Variants in ROR1 observed in about 807,000 individuals in gnomAD.
ROR1 encodes ROR family WNT receptor 1.
A neutral mutation model predicts 78.8 loss-of-function variants in ROR1; 19 were observed. The ratio of observed to expected loss-of-function variants is 0.24; its 90% CI spans 0.17 to 0.35. The LOEUF (loss-of-function observed/expected upper bound fraction) is 0.35. ROR1 is among the 10% of genes least tolerant of loss of function. ROR1 has a pLI of 1.00. For missense variants in ROR1, 917 were observed against 1,177.8 expected, an observed-to-expected ratio of 0.78 and a Z score of 3.24; for synonymous variants, 386 against 433.6, an observed-to-expected ratio of 0.89 and a Z score of 1.36.
chr1:63,863,789 TTGTATTGTATTG>T, intron 1 of ROR1, among the ~76,000 whole-genome samples: 1 of 130,524 alleles, frequency 7.7e-6, no homozygotes, highest in South Asian at 2.4e-4. Context: ...TTGTATTGTA[TTGTATTGTATTG>T]TATCATAGAT....
chr1:64,159,443 A>T (rs1271385639), intron 8 of ROR1, among the ~76,000 whole-genome samples: 2 of 152,038 alleles, frequency 1.3e-5, no homozygotes, highest in African/African-American at 4.8e-5. Flanking sequence ...GCTAGAAGTG[A>T]TCCCTAAGAA....
intron 8 of ROR1, among the ~76,000 whole-genome samples, chr1:64,174,981 T>G (rs1421911704): frequency 6.7e-6 from 1 of 149,342 alleles, no homozygotes; most frequent in African/African-American, 2.4e-5. Flanking sequence ...CCTAGTTCAG[T>G]AAGATGGGAA....
Position 64,178,753 on chromosome 1 carries a change from C to G in ROR1, c.2712C>G (p.Asn904Lys). ...PGGMGITVFG[N>K]KSQKPYKIDS... is the part of the protein sequence containing the mutation. The stretch of plus-strand genomic sequence containing the variant: ...GAATGGGTATCACCGTTTTTGGCAA[C>G]AAATCTCAAAAACCCTACAAAATTG... The change falls in exon 9 of 9, where the codon AAC becomes AAG. Residue 904 changes from asparagine (N) to lysine (K), a missense_variant. Coordinates refer to ENST00000371079, the MANE Select transcript of ROR1 (RefSeq NM_005012.4). The surrounding 1 kb of genome is among the most constrained non-coding windows in gnomAD (Gnocchi z 4.3). The G allele has an allele frequency of 6.2e-7, 1 of 1,614,004 alleles. No individual in the cohort carries two copies. Among genetic ancestry groups the G allele is most frequent in the Non-Finnish European group, 8.5e-7 (1 of 1,179,974 alleles).
At chr1:63,806,971 C>A (rs1403947080) in intron 1 of ROR1, among the ~76,000 whole-genome samples, 8 of 152,184 alleles carry the variant, frequency 5.3e-5, no homozygotes, top group Non-Finnish European at 8.8e-5. Context: ...GGGTTCTTTG[C>A]ATAAATGATT....
chr1:63,942,021 G>A (rs182403850), intron 1 of ROR1, among the ~76,000 whole-genome samples: 2 of 152,292 alleles, frequency 1.3e-5, no homozygotes, highest in East Asian at 3.9e-4. Context: ...TTCAAATTCA[G>A]GCATTCTACT....
intron 1 of ROR1, among the ~76,000 whole-genome samples, chr1:63,926,490 G>A (rs1476854915): frequency 7.2e-5 from 11 of 151,738 alleles, no homozygotes; most frequent in South Asian, 2.1e-4. Context: ...TTGGCGATGC[G>A]GGCTCTTTTT....
At chr1:63,836,060 A>AT (rs1264246670) in intron 1 of ROR1, among the ~76,000 whole-genome samples, 1 of 152,178 alleles carries the variant, frequency 6.6e-6, no homozygotes, top group Non-Finnish European at 1.5e-5. Flanking sequence ...CAAGAGGTAG[A>AT]TTTTCAGATT....
At chr1:63,967,471 C>G (rs1646084571) in intron 1 of ROR1, among the ~76,000 whole-genome samples, 1 of 152,150 alleles carries the variant, frequency 6.6e-6, no homozygotes, top group South Asian at 2.1e-4. Flanking sequence ...ATCGATCCTC[C>G]TGCCTCAGTC....
intron 7 of ROR1, among the ~76,000 whole-genome samples, chr1:64,158,658 G>A (rs893295745): frequency 2.0e-5 from 3 of 152,180 alleles, no homozygotes; most frequent in African/African-American, 2.4e-5. Context: ...TTCACGTGGC[G>A]TTTAACTTTT....
chr1:63,904,768 G>A (rs925347155), intron 1 of ROR1, among the ~76,000 whole-genome samples: 1 of 152,132 alleles, frequency 6.6e-6, no homozygotes, highest in Non-Finnish European at 1.5e-5. Context: ...AAGATGCGAG[G>A]AGAGGACAGA....
intron 4 of ROR1, among the ~76,000 whole-genome samples, chr1:64,110,443 A>G (rs2038751): frequency 0.17 from 25,893 of 152,056 alleles, 2,459 homozygotes; most frequent in Non-Finnish European, 0.2. Flanking sequence ...ATTCAGGTCA[A>G]TTGAACATTG....
At chr1:63,805,012 C>T (rs528918820) in intron 1 of ROR1, among the ~76,000 whole-genome samples, 2 of 152,246 alleles carry the variant, frequency 1.3e-5, no homozygotes, top group South Asian at 4.2e-4. Flanking sequence ...GCATTTAGTC[C>T]CTGGTGAGTA....
chr1:64,075,224 T>A (rs1647039348), intron 4 of ROR1, among the ~76,000 whole-genome samples: 2 of 152,208 alleles, frequency 1.3e-5, no homozygotes, highest in Admixed American at 1.3e-4. Flanking sequence ...TTAAATTTAA[T>A]AAAATTACAC....
At chr1:64,142,737 G>A (rs1649360557) in intron 7 of ROR1, 87 bp downstream of exon 7, 2 of 1,556,708 alleles carry the variant, frequency 1.3e-6, no homozygotes, top group South Asian at 2.4e-5. Flanking sequence ...TCCTATAAGG[G>A]GGGCAAAGAA....
intron 1 of ROR1, among the ~76,000 whole-genome samples, chr1:63,813,194 T>C (rs1293173980): frequency 6.6e-6 from 1 of 152,186 alleles, no homozygotes; most frequent in African/African-American, 2.4e-5. Context: ...GTGTGCTTCA[T>C]GGAAAAAACT....
In ROR1 at chr1:64,177,474, A is replaced by C. The variant is rs747997709; in HGVS notation, c.1433A>C (p.Glu478Ala). ...CTTTCTGCTGTACGCTTTATGGAAG[A>C]ATTGGGTGAGTGTGCCTTTGGAAAA... The part of the protein sequence containing the change: ...LPLSAVRFME[E>A]LGECAFGKIY... Residue 478 changes from glutamate (E) to alanine (A), a missense_variant, in exon 9 of 9, where the codon GAA becomes GCA. Transcript: ENST00000371079. 2 of 1,614,212 alleles carry C rather than the reference A, an allele frequency of 1.2e-6. No individual in the cohort carries two copies. Among genetic ancestry groups the C allele is most frequent in the Non-Finnish European group, 1.7e-6 (2 of 1,180,038 alleles).
chr1:64,158,932 T>C (rs749758117), intron 7 of ROR1, 49 bp from the exon 8 acceptor site: 8 of 1,356,394 alleles, frequency 5.9e-6, no homozygotes, highest in East Asian at 2.3e-5. Context: ...ATATTATGCA[T>C]GTTACTTTAA....
At chr1:63,959,178 G>A (rs753630364) in intron 1 of ROR1, among the ~76,000 whole-genome samples, 1 of 152,170 alleles carries the variant, frequency 6.6e-6, no homozygotes, top group Non-Finnish European at 1.5e-5. Flanking sequence ...ATGAACAAAA[G>A]GGGGAAAAGC....
chr1:63,994,987 CT>C (rs2100526120), intron 1 of ROR1, among the ~76,000 whole-genome samples: 2 of 152,294 alleles, frequency 1.3e-5, no homozygotes, highest in African/African-American at 4.8e-5. Flanking sequence ...ATGGGCAGAT[CT>C]TTGGCAAATC....
Sources: gnomAD v4.1 joint callset for allele counts (sites outside exome capture counted in the v4.1 genomes callset) on GRCh38, gnomAD v4.1.1 for gene constraint, Gnocchi (gnomAD v3.1) non-coding constraint, MANE v1.5 for transcripts, NCBI Gene and HGNC (gene_info 2026-07-23, HGNC 2026-07-21) for gene names.